CEP57: variants seen among roughly 807,000 people sequenced by gnomAD.
CEP57 encodes centrosomal protein of 57 kDa.
CEP57 carries 40 observed loss-of-function variants against 68.0 expected under a neutral mutation model. The observed-to-expected ratio is 0.59, with a 90% confidence interval of 0.46 to 0.77. The LOEUF (loss-of-function observed/expected upper bound fraction) is 0.77, where lower values mean the gene tolerates loss of function less well. CEP57 is among the 30% of genes least tolerant of loss of function. The pLI, the probability that CEP57 is intolerant of heterozygous loss-of-function variation, is 0.00. For synonymous variants in CEP57, 219 were observed against 198.7 expected (o/e 1.10, Z -0.86); for missense variants, 606 against 580.7 (o/e 1.04, Z -0.45).
chr11:95,791,173 C>A (rs1278415280), intron 1 of CEP57, among the ~76,000 whole-genome samples: 1 of 152,148 alleles, frequency 6.6e-6, no homozygotes, highest in African/African-American at 2.4e-5. Context: ...CGCCGTCTCT[C>A]GAGCGCTTAC....
intron 2 of CEP57, among the ~76,000 whole-genome samples, chr11:95,805,827 C>T (rs1861773278): frequency 6.6e-6 from 1 of 151,852 alleles, no homozygotes; most frequent in Non-Finnish European, 1.5e-5. Flanking sequence ...GTTACAGTAT[C>T]TAATATATAT....
At chr11:95,803,983 C>G (rs1214414438) in intron 2 of CEP57, among the ~76,000 whole-genome samples, 1 of 151,904 alleles carries the variant, frequency 6.6e-6, no homozygotes, top group African/African-American at 2.4e-5. Flanking sequence ...GTCAGGGAAA[C>G]AGTTCCAAAG....
In CEP57 at chr11:95,790,710, G is replaced by A; in HGVS notation, c.12G>A (p.Ala4=). 3 of 1,614,098 alleles carry A rather than the reference G, an allele frequency of 1.9e-6. No individual in the cohort carries two copies. The highest frequency in any genetic ancestry group is 1.1e-5 in the South Asian group (1 of 91,056). The change falls in exon 1 of 11, where the codon GCG becomes GCA. Residue 4 remains alanine (A), a synonymous_variant. Transcript: ENST00000325542. The stretch of plus-strand genomic sequence containing the variant: ...GGGCAGGCTGAAAGATGGCGGCGGC[G>A]TCTGTCTCTGCGGCTTCTGGTTCTC... MAA[A]SVSAASGSHL... is the part of the protein sequence containing the mutation.
At chr11:95,797,259 T>G (rs1861392006) in intron 1 of CEP57, among the ~76,000 whole-genome samples, 1 of 147,630 alleles carries the variant, frequency 6.8e-6, no homozygotes, top group Non-Finnish European at 1.5e-5. Flanking sequence ...CTCCACCTCC[T>G]GGGTTCAAGT....
intron 2 of CEP57, 100 bp from the exon 3 acceptor site, chr11:95,812,832 C>G (rs764070988): frequency 1.5e-4 from 145 of 998,368 alleles, no homozygotes; most frequent in Non-Finnish European, 2.2e-4. Context: ...CTGGACTCAT[C>G]CATCAATTTT....
chr11:95,821,408 T>C (rs1220581629), intron 6 of CEP57, among the ~76,000 whole-genome samples: 1 of 152,212 alleles, frequency 6.6e-6, no homozygotes, highest in African/African-American at 2.4e-5. Flanking sequence ...TTTTGTTATT[T>C]TTTTGGATAT....
intron 2 of CEP57, among the ~76,000 whole-genome samples, chr11:95,805,269 T>A (rs1311352302): frequency 6.6e-6 from 1 of 152,224 alleles, no homozygotes; most frequent in Non-Finnish European, 1.5e-5. Context: ...ATTGTACTTA[T>A]CTGATTATTG....
At chr11:95,803,457 C>T (rs573932402) in intron 2 of CEP57, among the ~76,000 whole-genome samples, 177 of 152,178 alleles carry the variant, frequency 1.2e-3, no homozygotes, top group Non-Finnish European at 2.4e-3. Flanking sequence ...AAAATACCAC[C>T]ATTAAAACAG....
intron 1 of CEP57, among the ~76,000 whole-genome samples, chr11:95,797,548 C>A (rs1380993444): frequency 6.6e-6 from 1 of 152,134 alleles, no homozygotes; most frequent in Non-Finnish European, 1.5e-5. Context: ...CCTGAAGCTA[C>A]CTAGGTGCCC....
At position 95,827,957 on chromosome 11, in the gene CEP57, T is replaced by A. The variant is rs544014488; in HGVS notation, c.1057T>A (p.Ser353Thr). 18 of 1,613,990 alleles carry A rather than the reference T, an allele frequency of 1.1e-5. No individual in the cohort carries two copies. In the African/African-American group the frequency reaches 1.9e-4, roughly 17 times the overall value. ...SKKLSVTPPS[S>T]NGINEELSEV... is the part of the protein sequence containing the mutation. ...GAAGTTGTCAGTAACACCTCCCTCC[T>A]CCAACGGTATTAATGAGGAGTTGTC... Residue 353 changes from serine to threonine, a missense_variant, in exon 9 of 11, where the codon TCC becomes ACC. Coordinates refer to ENST00000325542, the MANE Select transcript of CEP57 (RefSeq NM_014679.5).
At chr11:95,817,308 G>A (rs546594) in intron 4 of CEP57, among the ~76,000 whole-genome samples, 90,410 of 151,918 alleles carry the variant, frequency 0.6, 29,126 homozygotes, top group African/African-American at 0.86. Flanking sequence ...CGGAGCTTGC[G>A]GTGAGCCGAG....
intron 2 of CEP57, among the ~76,000 whole-genome samples, chr11:95,800,584 GT>G (rs1565312693): frequency 6.6e-6 from 1 of 152,118 alleles, no homozygotes; most frequent in East Asian, 1.9e-4. Flanking sequence ...TAGGGACGAG[GT>G]TTCACCATGT....
chr11:95,794,524 C>G (rs1357110698), intron 1 of CEP57, among the ~76,000 whole-genome samples: 2 of 152,028 alleles, frequency 1.3e-5, no homozygotes, highest in African/African-American at 4.8e-5. Context: ...TTGTGCACCT[C>G]TTATCATTGG....
rs369213435 is a variant in CEP57, at chr11:95,812,821, A to C, written c.203-111A>C. ...TATTGTTCCCAAAGAGTGATCCTCC[A>C]CTGGACTCATCCATCAATTTTATTT... On this transcript the variant is annotated intron_variant, in intron 2 of 10. Transcript: ENST00000325542. 5 of 919,560 alleles carry C rather than the reference A, an allele frequency of 5.4e-6. No homozygotes were observed. The East Asian group carries it at 1.2e-4, about 22-fold the overall frequency. 57.0% of individuals were successfully genotyped at this position (919,560 alleles called of 1,614,324 possible).
Position 95,831,273 on chromosome 11 carries a change from A to G in CEP57, c.*17A>G. On this transcript the variant is annotated 3_prime_UTR_variant, in exon 11 of 11. Transcript: ENST00000325542. ...GATTACTGACTCATAACCAGGTCAG[A>G]AATTTTATTCAGATAATCTGTACCT... 6.5e-7 allele frequency: 1 copy of G among 1,546,214 alleles called. No individual in the cohort carries two copies. Among genetic ancestry groups the G allele is most frequent in the Non-Finnish European group, 8.9e-7 (1 of 1,119,482 alleles).
At chr11:95,794,504 A>G (rs977101171) in intron 1 of CEP57, 6 of 362,510 alleles carry the variant, frequency 1.7e-5, no homozygotes, top group Admixed American at 1.1e-4. Context: ...ATGGTATCCT[A>G]TTTTCTGATT....
chr11:95,831,026 C>T lies in CEP57; in HGVS notation c.1273C>T (p.Leu425=), dbSNP rs758465541. 5 of 1,605,188 alleles carry T rather than the reference C, an allele frequency of 3.1e-6. No individual in the cohort carries two copies. The highest frequency in any genetic ancestry group is 3.4e-6 in the Non-Finnish European group (4 of 1,172,458). The part of the protein sequence containing the change: ...ITKVRKYQAQ[L]EKQKLEKQKK... ...TTCCTGCCTTGGTTATTTGGTATAG[C>T]TGGAGAAACAGAAGTTAGAGAAGCA... is the stretch of plus-strand genomic sequence containing the variant. The change falls in exon 11 of 11, where the codon CTG becomes TTG. Residue 425 remains leucine, a splice_region_variant and synonymous_variant. Transcript: ENST00000325542.
chr11:95,830,910 T>TTGAG (rs5793750), intron 10 of CEP57, 116 bp from the exon 11 acceptor site: 360,152 of 714,938 alleles, frequency 0.5, 93,714 homozygotes, highest in African/African-American at 0.71. Flanking sequence ...AATGTATTAT[T>TTGAG]TTTCAGTTAG....
At chr11:95,795,391 C>T in intron 1 of CEP57, 1 of 390,610 alleles carries the variant, frequency 2.6e-6, no homozygotes, top group Non-Finnish European at 4.5e-6. Flanking sequence ...CTATTTTACT[C>T]AGCAATCTTC....
Sources: allele counts gnomAD v4.1 joint callset (sites outside exome capture counted in the v4.1 genomes callset), GRCh38; gene constraint gnomAD v4.1.1; transcripts MANE v1.5; gene names NCBI Gene and HGNC (gene_info 2026-07-23, HGNC 2026-07-21).